LHX2: variants seen among roughly 807,000 people sequenced by gnomAD.
LHX2 encodes LIM homeobox 2.
LHX2 carries 6 observed loss-of-function variants against 33.0 expected under a neutral mutation model. The ratio of observed to expected loss-of-function variants is 0.18; its 90% CI spans 0.10 to 0.36. The LOEUF (loss-of-function observed/expected upper bound fraction) is 0.36, where lower values mean the gene tolerates loss of function less well. Among genes scored for constraint, LHX2 ranks in the 10% least tolerant of loss-of-function variants. The pLI, the probability that LHX2 is intolerant of heterozygous loss-of-function variation, is 1.00. For synonymous variants in LHX2, 292 were observed against 253.1 expected (o/e 1.15, Z -1.46); for missense variants, 442 against 586.2 (o/e 0.75, Z 2.54).
chr9:124,018,177 A>G (rs1345241398), intron 3 of LHX2, among the ~76,000 whole-genome samples: 2 of 151,948 alleles, frequency 1.3e-5, no homozygotes, highest in Non-Finnish European at 2.9e-5. Context: ...CCCAGCGACA[A>G]GAGCTCGAAA....
intron 3 of LHX2, among the ~76,000 whole-genome samples, chr9:124,017,483 G>A (rs1448704529): frequency 6.6e-6 from 1 of 152,194 alleles, no homozygotes; most frequent in South Asian, 2.1e-4. Context: ...AGAAATGGCC[G>A]CAGTGTGGGC....
intron 3 of LHX2, among the ~76,000 whole-genome samples, chr9:124,020,765 ATCGGCCATCAACAAG>A (rs1564550317): frequency 6.6e-6 from 1 of 152,168 alleles, no homozygotes; most frequent in Non-Finnish European, 1.5e-5. Flanking sequence ...CTGGAGTTCA[ATCGGCCATCAACAAG>A]TCGTAGCTGT....
At position 124,014,132 on chromosome 9, in the gene LHX2, G is replaced by C; in HGVS notation, c.292G>C (p.Gly98Arg). The change falls in exon 2 of 5, where the codon GGT (glycine) becomes CGT (arginine). Residue 98 changes from glycine (G) to arginine (R), a missense_variant. By Grantham distance (125) the Gly-to-Arg change is moderately radical. Around this residue, in one of 5 missense-constraint regions of LHX2, gnomAD observed 72 missense variants for 171.6 expected, o/e 0.42. Transcript: ENST00000373615. The surrounding 1 kb of genome is among the most constrained non-coding windows in gnomAD (Gnocchi z 4.8). Reference protein sequence around the residue: ...ESELTCFSKDGSIYCKEDYYR... With the variant: ...ESELTCFSKDRSIYCKEDYYR... ...GGAGCTCACCTGTTTCAGCAAGGAC[G>C]GTAGCATCTACTGCAAGGAAGACTA... is the stretch of plus-strand genomic sequence containing the variant. 6.2e-7 allele frequency: 1 copy of C among 1,613,432 alleles called. No homozygotes were observed.
At chr9:124,031,602 A>C (rs1245106202) in intron 4 of LHX2, 5 of 152,270 alleles carry the variant, frequency 3.3e-5, no homozygotes, top group Non-Finnish European at 5.9e-5. Flanking sequence ...TCCTTGAAGA[A>C]ATGAAGAGAG....
intron 4 of LHX2, among the ~76,000 whole-genome samples, chr9:124,030,909 G>A (rs572953948): frequency 3.3e-5 from 5 of 152,092 alleles, no homozygotes; most frequent in African/African-American, 4.8e-5. Context: ...CTGGGATTAC[G>A]GGCTTGAGCC....
Position 124,017,769 on chromosome 9 carries a change from T to C in LHX2, c.727+2244T>C, listed in dbSNP as rs1859216864. On this transcript the variant is annotated intron_variant, in intron 3 of 4. Coordinates refer to ENST00000373615, the MANE Select transcript of LHX2 (RefSeq NM_004789.4). ...GGGGCGCCGTCGGGGCGCCGGGCGC[T>C]GGGCTTACAGCAGAGCCGCGGGCCG... 3.3e-5 allele frequency among the ~76,000 whole-genome samples: 5 copies of C among 150,846 alleles called. No individual in the cohort carries two copies. The South Asian group carries it at 8.5e-4, about 26-fold the overall frequency.
chr9:124,014,882 G>A lies in LHX2; in HGVS notation c.324-240G>A, dbSNP rs184430111. Among the ~76,000 whole-genome samples the A allele has an allele frequency of 3.3e-5, 5 of 152,304 alleles. No individual in the cohort carries two copies. The highest frequency in any genetic ancestry group is 5.9e-5 in the Non-Finnish European group (4 of 68,016). On this transcript the variant is annotated intron_variant, in intron 2 of 4. Transcript: ENST00000373615. This position sits in a 1 kb window ranked among gnomAD's most constrained non-coding sequence, Gnocchi z 4.8. ...AGGTAAAGGCTTTCCTAGGGCTTGC[G>A]GAGACTCTGGGTGAAGTAGAAGTCT...
intron 3 of LHX2, among the ~76,000 whole-genome samples, chr9:124,017,854 G>C (rs1170068488): frequency 6.6e-6 from 1 of 152,000 alleles, no homozygotes; most frequent in Non-Finnish European, 1.5e-5. Context: ...AGCCCCTCGG[G>C]CCCGGGCCCC....
rs1859141701 is a variant in LHX2 at position 124,014,101 on chromosome 9, G to T, written c.261G>T (p.Leu87=). ...CLKCCECKLN[L]ESELTCFSKD... ...AGTGCTGCGAGTGCAAGCTCAACCT[G>T]GAGTCGGAGCTCACCTGTTTCAGCA... The change falls in exon 2 of 5, where the codon CTG becomes CTT. Residue 87 remains leucine, a synonymous_variant. Transcript: ENST00000373615. The surrounding 1 kb of genome is among the most constrained non-coding windows in gnomAD (Gnocchi z 4.8). 3 of 1,613,664 alleles carry T rather than the reference G, an allele frequency of 1.9e-6. No homozygotes were observed. In the South Asian group the frequency reaches 3.3e-5, roughly 18 times the overall value.
intron 4 of LHX2, among the ~76,000 whole-genome samples, chr9:124,030,573 G>T (rs1828691542): frequency 6.6e-6 from 1 of 151,740 alleles, no homozygotes; most frequent in South Asian, 2.1e-4. Context: ...TGTGCTGTTA[G>T]ATGGGTGGTG....
rs924599680 is a variant in LHX2 at position 124,032,978 on chromosome 9, T to C, written c.*271T>C. The C allele has an allele frequency of 9.5e-6, 3 of 315,836 alleles. No individual in the cohort carries two copies. Among genetic ancestry groups the C allele is most frequent in the Admixed American group, 9.8e-5 (2 of 20,440 alleles). 19.6% of individuals were successfully genotyped at this position (315,836 alleles called of 1,614,324 possible). ...AGGAAAAACAACAAATAATTTAAGT[T>C]GGCTAGAGCTTCTGTATTTTCAAAG... On this transcript the variant is annotated 3_prime_UTR_variant, in exon 5 of 5. Coordinates refer to ENST00000373615, the MANE Select transcript of LHX2 (RefSeq NM_004789.4). This position sits in a 1 kb window ranked among gnomAD's most constrained non-coding sequence, Gnocchi z 4.1.
intron 4 of LHX2, among the ~76,000 whole-genome samples, chr9:124,022,293 C>T (rs1859306623): frequency 6.6e-6 from 1 of 152,148 alleles, no homozygotes; most frequent in Admixed American, 6.5e-5. Flanking sequence ...GCCTGTGGTG[C>T]GACCTGACAC....
intron 4 of LHX2, among the ~76,000 whole-genome samples, chr9:124,022,057 GATGTT>G (rs1306649383): frequency 6.6e-6 from 1 of 152,190 alleles, no homozygotes; most frequent in African/African-American, 2.4e-5. Flanking sequence ...CACCCCTAGA[GATGTT>G]AAGAACCCTA....
chr9:124,027,405 A>C (rs1355299312), intron 4 of LHX2, among the ~76,000 whole-genome samples: 1 of 152,214 alleles, frequency 6.6e-6, no homozygotes, highest in Non-Finnish European at 1.5e-5. Flanking sequence ...CTGTTTGTGC[A>C]GTAAGAGGCA....
rs1319670544 is a variant in LHX2, at chr9:124,016,036, G to A, written c.727+511G>A. Among the ~76,000 whole-genome samples, 2 of 151,240 alleles carry A rather than the reference G, an allele frequency of 1.3e-5. No homozygotes were observed. Among genetic ancestry groups the A allele is most frequent in the African/African-American group, 4.9e-5 (2 of 40,536 alleles). On this transcript the variant is annotated intron_variant, in intron 3 of 4. Transcript: ENST00000373615. This position sits in a 1 kb window ranked among gnomAD's most constrained non-coding sequence, Gnocchi z 4.4. ...AAGGGCGGCAGGCTTGGGGAACTCGGGCTTGGGGAACTCAGGAAAGCAAAG... is the reference window on the plus strand; with the variant it reads ...AAGGGCGGCAGGCTTGGGGAACTCGAGCTTGGGGAACTCAGGAAAGCAAAG...
rs368805518 is a variant in LHX2, at chr9:124,015,319, A to T, written c.521A>T (p.Gln174Leu). 1 of 1,613,870 alleles carries T rather than the reference A, an allele frequency of 6.2e-7. No homozygotes were observed. The highest frequency in any genetic ancestry group is 1.7e-5 in the Admixed American group (1 of 60,032). Reference protein sequence around the residue: ...YCRLHFEALLQGEYPAHFNHA... With the variant: ...YCRLHFEALLLGEYPAHFNHA... ...CGCTTGCACTTCGAGGCGCTGCTGC[A>T]GGGCGAGTACCCCGCACACTTCAAC... The change falls in exon 3 of 5, where the codon CAG (glutamine) becomes CTG (leucine). Residue 174 changes from glutamine to leucine, a missense_variant. By Grantham distance (113) the Gln-to-Leu change is moderately radical. Coordinates refer to ENST00000373615, the MANE Select transcript of LHX2 (RefSeq NM_004789.4). The surrounding 1 kb of genome is among the most constrained non-coding windows in gnomAD (Gnocchi z 7.9).
At position 124,012,720 on chromosome 9, in the gene LHX2, A is replaced by G. The variant is rs1859114371; in HGVS notation, c.120+252A>G. On this transcript the variant is annotated intron_variant, in intron 1 of 4. Coordinates refer to ENST00000373615, the MANE Select transcript of LHX2 (RefSeq NM_004789.4). The surrounding 1 kb of genome is among the most constrained non-coding windows in gnomAD (Gnocchi z 4.3). ...AGGAGAGCGTTTCTTCCGAACTGGA[A>G]GCGAAGTCCCATCCGCGGCCCGGGG... 6.6e-6 allele frequency among the ~76,000 whole-genome samples: 1 copy of G among 152,196 alleles called. No individual in the cohort carries two copies.
chr9:124,020,964 G>A, intron 3 of LHX2, 135 bp from the exon 4 acceptor site: 1 of 737,716 alleles, frequency 1.4e-6, no homozygotes, highest in South Asian at 1.7e-5. Context: ...TGGGGATGAT[G>A]TCCCCCTTTC....
rs957974324 is a variant in LHX2 at position 124,015,743 on chromosome 9, G to A, written c.727+218G>A. Among the ~76,000 whole-genome samples, 5 of 152,258 alleles carry A rather than the reference G, an allele frequency of 3.3e-5. No homozygotes were observed. Among genetic ancestry groups the A allele is most frequent in the East Asian group, 1.9e-4 (1 of 5,200 alleles). ...GCAGTGGTCCCTTGCTGCTCCGGGT[G>A]CAGGGCCTTGTCTCTGATAAATTGT... is the stretch of plus-strand genomic sequence containing the variant. On this transcript the variant is annotated intron_variant, in intron 3 of 4. Coordinates refer to ENST00000373615, the MANE Select transcript of LHX2 (RefSeq NM_004789.4). The surrounding 1 kb of genome is among the most constrained non-coding windows in gnomAD (Gnocchi z 7.9).
Sources: gnomAD v4.1 joint callset for allele counts (sites outside exome capture counted in the v4.1 genomes callset) on GRCh38, gnomAD v4.1.1 for gene constraint, gnomAD v4.1.1 regional missense constraint, Gnocchi (gnomAD v3.1) non-coding constraint, MANE v1.5 for transcripts, NCBI Gene and HGNC (gene_info 2026-07-23, HGNC 2026-07-21) for gene names.